Variants in PRTFDC1 observed in about 807,000 individuals in gnomAD.
PRTFDC1 encodes the protein phosphoribosyltransferase domain-containing protein 1.
A neutral mutation model predicts 34.6 loss-of-function variants in PRTFDC1; 38 were observed. That is an observed-to-expected ratio of 1.10 (90% CI 0.85 to 1.44). The LOEUF is 1.44. Ranked by LOEUF, PRTFDC1 falls within the 40% of genes most tolerant of loss-of-function variation. The probability of loss-of-function intolerance (pLI) is 0.00; values close to 1 mark genes in which losing one functional copy is unlikely to be tolerated. For missense variants in PRTFDC1, 270 were observed against 283.0 expected, an observed-to-expected ratio of 0.95 and a Z score of 0.33; for synonymous variants, 93 against 98.1, an observed-to-expected ratio of 0.95 and a Z score of 0.31.
chr10:24,950,309 C>T (rs1849319856), intron 1 of PRTFDC1, among the ~76,000 whole-genome samples: 1 of 151,844 alleles, frequency 6.6e-6, no homozygotes, highest in African/African-American at 2.4e-5. Flanking sequence ...ATTTTTTTTC[C>T]TTTGGATTTT....
At chr10:24,898,965 CA>C (rs1848411414) in intron 3 of PRTFDC1, among the ~76,000 whole-genome samples, 1 of 148,052 alleles carries the variant, frequency 6.8e-6, no homozygotes, top group Admixed American at 6.9e-5. Flanking sequence ...AGAAGCTGGC[CA>C]CATGCAACCC....
chr10:24,908,847 C>A, intron 3 of PRTFDC1: 2 of 1,175,486 alleles, frequency 1.7e-6, no homozygotes, highest in South Asian at 3.6e-5. Flanking sequence ...TTCCAGCCAC[C>A]TCAAGAAAAC....
intron 4 of PRTFDC1, among the ~76,000 whole-genome samples, chr10:24,865,833 A>C (rs1847765161): frequency 3.3e-5 from 5 of 152,168 alleles, no homozygotes; most frequent in Admixed American, 3.3e-4. Flanking sequence ...AATGAGCTGT[A>C]TTGGGGATAT....
intron 3 of PRTFDC1, among the ~76,000 whole-genome samples, chr10:24,924,546 G>T (rs1370620863): frequency 6.6e-6 from 1 of 152,116 alleles, no homozygotes; most frequent in African/African-American, 2.4e-5. Context: ...CCTACAGAAT[G>T]GGAGAAAAAT....
At chr10:24,898,568 C>A (rs150224426) in intron 3 of PRTFDC1, among the ~76,000 whole-genome samples, 1 of 151,648 alleles carries the variant, frequency 6.6e-6, no homozygotes, top group Non-Finnish European at 1.5e-5. Context: ...CAGATGGCTT[C>A]GGGTCTCCCT....
At chr10:24,912,627 T>C (rs1270035471) in intron 3 of PRTFDC1, among the ~76,000 whole-genome samples, 2 of 152,140 alleles carry the variant, frequency 1.3e-5, no homozygotes, top group Non-Finnish European at 2.9e-5. Context: ...TCTTTATATA[T>C]CTGGATATAA....
At chr10:24,909,281 C>CA (rs1311347457) in intron 3 of PRTFDC1, among the ~76,000 whole-genome samples, 1 of 151,126 alleles carries the variant, frequency 6.6e-6, no homozygotes, top group East Asian at 1.9e-4. Context: ...ACTTTCATCT[C>CA]AAAAAAAAGG....
intron 3 of PRTFDC1, among the ~76,000 whole-genome samples, chr10:24,915,368 G>A (rs1360566414): frequency 6.6e-6 from 1 of 152,118 alleles, no homozygotes; most frequent in Admixed American, 6.5e-5. Flanking sequence ...GCTCCAAAAG[G>A]CATAACTGCT....
intron 4 of PRTFDC1, among the ~76,000 whole-genome samples, chr10:24,859,991 C>A (rs780487296): frequency 2.0e-4 from 30 of 152,264 alleles, no homozygotes; most frequent in Non-Finnish European, 3.7e-4. Context: ...AATATGCCAT[C>A]CCAGTTTACT....
At chr10:24,933,274 A>T (rs765132243) in intron 3 of PRTFDC1, among the ~76,000 whole-genome samples, 4 of 152,072 alleles carry the variant, frequency 2.6e-5, no homozygotes, top group Admixed American at 6.6e-5. Context: ...AACTTAAAAA[A>T]TTTTTTAATA....
At chr10:24,900,551 T>C (rs1420134584) in intron 3 of PRTFDC1, among the ~76,000 whole-genome samples, 2 of 152,226 alleles carry the variant, frequency 1.3e-5, no homozygotes, top group Admixed American at 1.3e-4. Flanking sequence ...GGAGAAGGAA[T>C]GTGTGGAATA....
At chr10:24,859,564 A>G (rs1280419849) in intron 4 of PRTFDC1, among the ~76,000 whole-genome samples, 2 of 152,100 alleles carry the variant, frequency 1.3e-5, no homozygotes, top group African/African-American at 2.4e-5. Flanking sequence ...TCACAGTTTT[A>G]AGTTTCCTGA....
intron 3 of PRTFDC1, among the ~76,000 whole-genome samples, chr10:24,895,964 T>G (rs376112849): frequency 6.6e-6 from 1 of 152,144 alleles, no homozygotes; most frequent in Non-Finnish European, 1.5e-5. Context: ...CCTTCTTTCT[T>G]TCACTGCACT....
At chr10:24,880,813 C>CTCTTTCTTTCCT (rs1848055778) in intron 3 of PRTFDC1, among the ~76,000 whole-genome samples, 1 of 114,928 alleles carries the variant, frequency 8.7e-6, no homozygotes, top group African/African-American at 3.3e-5. Flanking sequence ...TACTGTCTTT[C>CTCTTTCTTTCCT]TCTTTCTTTC....
intron 4 of PRTFDC1, among the ~76,000 whole-genome samples, chr10:24,860,177 C>CA (rs1847653763): frequency 6.6e-6 from 1 of 152,076 alleles, no homozygotes; most frequent in Admixed American, 6.6e-5. Flanking sequence ...GTCAGGAGTT[C>CA]AAGACCAGCC....
intron 2 of PRTFDC1, among the ~76,000 whole-genome samples, 190 bp from the exon 3 acceptor site, chr10:24,937,557 T>C (rs922667082): frequency 0.13 from 4,184 of 33,278 alleles, 174 homozygotes; most frequent in African/African-American, 0.34. Flanking sequence ...ACATACTGCT[T>C]TTTTTTTTTT....
intron 3 of PRTFDC1, among the ~76,000 whole-genome samples, chr10:24,906,824 T>A (rs1848543741): frequency 6.6e-6 from 1 of 152,198 alleles, no homozygotes; most frequent in Non-Finnish European, 1.5e-5. Flanking sequence ...CGTGTGAGCA[T>A]CACAATCTTT....
intron 3 of PRTFDC1, among the ~76,000 whole-genome samples, chr10:24,872,617 TGAATGATGAGGTCTCAGCCAATTTCTGCA>T (rs891458451): frequency 6.6e-6 from 1 of 151,616 alleles, no homozygotes; most frequent in African/African-American, 2.4e-5. Context: ...CCTTCTGACA[TGAATGATGAGGTCTCAGCCAATTTCTGCA>T]GTCCTAAGAA....
intron 3 of PRTFDC1, among the ~76,000 whole-genome samples, chr10:24,880,895 T>C (rs139898624): frequency 4.7e-4 from 69 of 145,788 alleles, no homozygotes; most frequent in Non-Finnish European, 6.9e-4. Flanking sequence ...TTCCTTCCTT[T>C]CTTTCTTTCC....
Sources: allele counts gnomAD v4.1 joint callset (sites outside exome capture counted in the v4.1 genomes callset), GRCh38; gene constraint gnomAD v4.1.1; transcripts MANE v1.5; gene names NCBI Gene and HGNC (gene_info 2026-07-23, HGNC 2026-07-21).